The following ATXN7L1 variants were observed in gnomAD, a reference collection of about 807,000 sequenced individuals.
ATXN7L1 encodes the protein ataxin-7-like protein 1.
A neutral mutation model predicts 70.8 loss-of-function variants in ATXN7L1; 15 were observed. That is an observed-to-expected ratio of 0.21 (90% CI 0.14 to 0.33). ATXN7L1 has a LOEUF of 0.33. ATXN7L1 is among the 10% of genes least tolerant of loss of function. The pLI is 1.00. For missense variants in ATXN7L1, 975 were observed against 1,097.1 expected, an observed-to-expected ratio of 0.89 and a Z score of 1.57; for synonymous variants, 440 against 445.1, an observed-to-expected ratio of 0.99 and a Z score of 0.14.
At chr7:105,709,258 C>T (rs1793575862) in intron 3 of ATXN7L1, among the ~76,000 whole-genome samples, 3 of 152,256 alleles carry the variant, frequency 2.0e-5, no homozygotes, top group African/African-American at 7.2e-5. Flanking sequence ...TGCTTGAACC[C>T]AGGAAGCGGA....
At chr7:105,685,709 A>G (rs846932) in intron 3 of ATXN7L1, among the ~76,000 whole-genome samples, 82,389 of 151,932 alleles carry the variant, frequency 0.54, 22,689 homozygotes, top group South Asian at 0.65. Context: ...CGTGAGAGTT[A>G]CTTTTAGCTC....
chr7:105,613,859 T>C lies in ATXN7L1; in HGVS notation c.2472+3A>G. On this transcript the variant is annotated splice_donor_region_variant and intron_variant, in intron 10 of 11. Coordinates refer to ENST00000419735, the MANE Select transcript of ATXN7L1 (RefSeq NM_020725.2). Reference sequence around the variant, plus strand: ...GTGAAGGCGGTGCCAGGAGGTCCCTTACCTGCCGAGAGGAGGTGCTGTTAA... The same window carrying C: ...GTGAAGGCGGTGCCAGGAGGTCCCTCACCTGCCGAGAGGAGGTGCTGTTAA... 6.4e-7 allele frequency: 1 copy of C among 1,551,850 alleles called. No individual in the cohort carries two copies. The highest frequency in any genetic ancestry group is 8.7e-7 in the Non-Finnish European group (1 of 1,147,016).
chr7:105,694,204 C>T (rs894718087), intron 3 of ATXN7L1, among the ~76,000 whole-genome samples: 5 of 152,164 alleles, frequency 3.3e-5, no homozygotes, highest in African/African-American at 1.2e-4. Flanking sequence ...CATGCCACTG[C>T]ACCTGGCTAA....
chr7:105,624,673 G>GGT (rs1795441415), intron 7 of ATXN7L1, among the ~76,000 whole-genome samples: 2 of 137,666 alleles, frequency 1.5e-5, no homozygotes, highest in Admixed American at 7.4e-5. Flanking sequence ...AAAACAGCCT[G>GGT]ATTAGCCTTG....
intron 11 of ATXN7L1, 74 bp downstream of exon 11, chr7:105,610,452 ACCC>A: frequency 7.6e-7 from 1 of 1,318,494 alleles, no homozygotes. Flanking sequence ...TCAGGGTCTG[ACCC>A]CAGTGTCCAA....
chr7:105,732,946 G>A (rs1796743185), intron 3 of ATXN7L1, among the ~76,000 whole-genome samples: 1 of 152,132 alleles, frequency 6.6e-6, no homozygotes, highest in South Asian at 2.1e-4. Flanking sequence ...ATTCTTTTGG[G>A]TCTCTGCTCA....
chr7:105,607,907 G>C lies in ATXN7L1; in HGVS notation c.2548-17C>G, dbSNP rs1039214351. On this transcript the variant is annotated splice_polypyrimidine_tract_variant and intron_variant, in intron 11 of 11. Coordinates refer to ENST00000419735, the MANE Select transcript of ATXN7L1 (RefSeq NM_020725.2). The stretch of plus-strand genomic sequence containing the variant: ...GTTTGTGTTCTTCTAGGAAAGAAAA[G>C]AAAAACTTGTTTCAAAACCATACAG... 5.2e-6 allele frequency: 8 copies of C among 1,551,090 alleles called. No individual in the cohort carries two copies. Among genetic ancestry groups the C allele is most frequent in the African/African-American group, 1.4e-5 (1 of 73,024 alleles).
intron 4 of ATXN7L1, 147 bp from the exon 5 acceptor site, chr7:105,643,268 G>T: frequency 3.0e-6 from 3 of 991,652 alleles, no homozygotes; most frequent in Middle Eastern, 3.3e-4. Context: ...GTCCAGTTTT[G>T]ATGGGAGAGA....
chr7:105,762,657 T>C (rs188897190), intron 3 of ATXN7L1, among the ~76,000 whole-genome samples: 2 of 152,314 alleles, frequency 1.3e-5, no homozygotes, highest in Admixed American at 6.5e-5. Context: ...TCAATGATTC[T>C]TGTGCTTTTC....
chr7:105,610,234 GT>G (rs1403265977), intron 11 of ATXN7L1, among the ~76,000 whole-genome samples: 3 of 152,320 alleles, frequency 2.0e-5, no homozygotes, highest in African/African-American at 4.8e-5. Context: ...GGTTTACTGT[GT>G]GCCAGGCATT....
At chr7:105,849,193 A>G (rs1391715147) in intron 2 of ATXN7L1, among the ~76,000 whole-genome samples, 2 of 152,214 alleles carry the variant, frequency 1.3e-5, no homozygotes, top group South Asian at 4.1e-4. Flanking sequence ...CAATCTCAAC[A>G]GGGCTTGGAG....
intron 3 of ATXN7L1, among the ~76,000 whole-genome samples, chr7:105,726,794 C>T (rs1028361854): frequency 6.6e-6 from 1 of 152,200 alleles, no homozygotes; most frequent in Non-Finnish European, 1.5e-5. Flanking sequence ...GCTGCAGCAT[C>T]TCAGGATCCT....
chr7:105,853,693 G>T lies in ATXN7L1; in HGVS notation c.250+22119C>A, dbSNP rs147870023. On this transcript the variant is annotated intron_variant, in intron 2 of 11. Coordinates refer to ENST00000419735, the MANE Select transcript of ATXN7L1 (RefSeq NM_020725.2). ...GCAGGAGAATTCCTTGAACCTGGGA[G>T]GCGGAGGTTGCAGCGAGCAGAGATT... is the stretch of plus-strand genomic sequence containing the variant. Among the ~76,000 whole-genome samples, 162 of 152,342 alleles carry T rather than the reference G, an allele frequency of 1.1e-3. 2 individuals carry two copies. The East Asian group carries it at 0.028, about 26-fold the overall frequency.
At chr7:105,711,581 C>T (rs976413521) in intron 3 of ATXN7L1, among the ~76,000 whole-genome samples, 2 of 152,224 alleles carry the variant, frequency 1.3e-5, no homozygotes, top group Non-Finnish European at 2.9e-5. Context: ...GTCATTAAAT[C>T]TTAAAGCTCC....
intron 10 of ATXN7L1, chr7:105,613,451 T>C: frequency 1.9e-6 from 2 of 1,033,860 alleles, no homozygotes; most frequent in Non-Finnish European, 2.3e-6. Flanking sequence ...CTAAGGGGGT[T>C]CCAACAGATC....
chr7:105,674,775 T>C (rs903144827), intron 3 of ATXN7L1, among the ~76,000 whole-genome samples: 1 of 152,238 alleles, frequency 6.6e-6, no homozygotes, highest in African/African-American at 2.4e-5. Context: ...CCTCCTCTTC[T>C]ATTTGTCATT....
rs775074734 is a variant in ATXN7L1, at chr7:105,639,527, G to C, written c.905C>G (p.Pro302Arg). Residue 302 changes from proline to arginine, a missense_variant, in exon 6 of 12, where the codon CCC becomes CGC. Coordinates refer to ENST00000419735, the MANE Select transcript of ATXN7L1 (RefSeq NM_020725.2). ...DPNKHCGVLD[P>R]ETKKPCTRSL... is the part of the protein sequence containing the mutation. ...TCTTGTGCAAGGTTTCTTTGTCTCG[G>C]GATCCAATACTCCACAGTGTTTATT... 52 of 1,551,218 alleles carry C rather than the reference G, an allele frequency of 3.4e-5. No homozygotes were observed. The highest frequency in any genetic ancestry group is 4.3e-5 in the Non-Finnish European group (49 of 1,146,882).
In ATXN7L1 at chr7:105,607,509, A is replaced by G. The variant is rs1792809192; in HGVS notation, c.*343T>C. ...GCCAACCTGGAACCAACATTCTGCA[A>G]TGTCTGCTCTCATGGCTGGAGCAAA... On this transcript the variant is annotated 3_prime_UTR_variant, in exon 12 of 12. Coordinates refer to ENST00000419735, the MANE Select transcript of ATXN7L1 (RefSeq NM_020725.2). 1 of 289,252 alleles carries G rather than the reference A, an allele frequency of 3.5e-6. No homozygotes were observed. The highest frequency in any genetic ancestry group is 6.5e-6 in the Non-Finnish European group (1 of 153,602). 17.9% of individuals were successfully genotyped at this position (289,252 alleles called of 1,614,324 possible).
chr7:105,619,504 A>G (rs1794500331), intron 9 of ATXN7L1, among the ~76,000 whole-genome samples: 1 of 11,592 alleles, frequency 8.6e-5, no homozygotes, highest in African/African-American at 4.5e-4. Context: ...GCATATATAT[A>G]TATATATATA....
Sources: allele counts gnomAD v4.1 joint callset (sites outside exome capture counted in the v4.1 genomes callset), GRCh38; gene constraint gnomAD v4.1.1; transcripts MANE v1.5; gene names NCBI Gene and HGNC (gene_info 2026-07-23, HGNC 2026-07-21).